The following ZFAND3 variants were observed in gnomAD, a reference collection of about 807,000 sequenced individuals.
ZFAND3 encodes the protein zinc finger AN1-type containing 3.
ZFAND3 carries 10 observed loss-of-function variants against 29.6 expected under a neutral mutation model. The observed-to-expected ratio is 0.34, with a 90% CI of 0.21 to 0.57. The LOEUF (loss-of-function observed/expected upper bound fraction) is 0.57, where lower values mean the gene tolerates loss of function less well. ZFAND3 is among the 20% of genes least tolerant of loss of function. The pLI, the probability that ZFAND3 is intolerant of heterozygous loss-of-function variation, is 0.86. For synonymous variants in ZFAND3, 128 were observed against 112.6 expected (o/e 1.14, Z -0.87); for missense variants, 230 against 304.5 (o/e 0.76, Z 1.82).
At chr6:37,848,406 T>C (rs981666150) in intron 1 of ZFAND3, among the ~76,000 whole-genome samples, 1 of 152,256 alleles carries the variant, frequency 6.6e-6, no homozygotes, top group Non-Finnish European at 1.5e-5. Flanking sequence ...AATCACCTGC[T>C]GTCAACACCA....
chr6:37,843,079 G>A (rs1466458716), intron 1 of ZFAND3, among the ~76,000 whole-genome samples: 1 of 148,750 alleles, frequency 6.7e-6, no homozygotes, highest in East Asian at 2.0e-4. Context: ...CTGAGATTGT[G>A]CCACTGCACT....
chr6:37,831,837 TG>T (rs1444071953), intron 1 of ZFAND3, among the ~76,000 whole-genome samples: 1 of 152,146 alleles, frequency 6.6e-6, no homozygotes, highest in Non-Finnish European at 1.5e-5. Context: ...CCTGGGGAGA[TG>T]AGCAGGGGCC....
intron 4 of ZFAND3, among the ~76,000 whole-genome samples, chr6:38,115,302 A>C (rs1765394580): frequency 6.6e-6 from 1 of 152,232 alleles, no homozygotes; most frequent in Non-Finnish European, 1.5e-5. Context: ...AGGCTAGTGT[A>C]GAGATAAGCA....
chr6:37,960,406 A>G (rs1015426149), intron 2 of ZFAND3, among the ~76,000 whole-genome samples: 1 of 152,228 alleles, frequency 6.6e-6, no homozygotes, highest in African/African-American at 2.4e-5. Context: ...GTGGGCAGCA[A>G]ACATTCATAT....
chr6:38,119,719 A>T (rs750093913), intron 5 of ZFAND3, among the ~76,000 whole-genome samples: 4 of 152,238 alleles, frequency 2.6e-5, no homozygotes, highest in Non-Finnish European at 5.9e-5. Context: ...TGTCGTCCAA[A>T]CACTGCCAGT....
chr6:37,956,375 C>A (rs1290215090), intron 2 of ZFAND3, among the ~76,000 whole-genome samples: 16 of 152,020 alleles, frequency 1.1e-4, no homozygotes, highest in Admixed American at 1.0e-3. Context: ...ACTTTGAGAA[C>A]CAGTGGCTTA....
intron 2 of ZFAND3, among the ~76,000 whole-genome samples, chr6:37,989,986 G>C (rs939292098): frequency 6.6e-6 from 1 of 152,158 alleles, no homozygotes; most frequent in African/African-American, 2.4e-5. Flanking sequence ...GACGAGCCTT[G>C]TCTCATGCTT....
At chr6:37,978,366 T>G (rs1380325965) in intron 2 of ZFAND3, among the ~76,000 whole-genome samples, 4 of 152,210 alleles carry the variant, frequency 2.6e-5, no homozygotes, top group Non-Finnish European at 5.9e-5. Flanking sequence ...CATCTACATT[T>G]CATCATGGAT....
chr6:37,837,524 G>A (rs1390580704), intron 1 of ZFAND3, among the ~76,000 whole-genome samples: 2 of 144,358 alleles, frequency 1.4e-5, no homozygotes, highest in African/African-American at 5.3e-5. Flanking sequence ...TTTTTTTTGA[G>A]ATAGAATTTT....
intron 2 of ZFAND3, among the ~76,000 whole-genome samples, chr6:38,013,425 A>G (rs1460476079): frequency 6.6e-6 from 1 of 152,186 alleles, no homozygotes; most frequent in Non-Finnish European, 1.5e-5. Context: ...TCATGTTGAC[A>G]TATGTTTGAT....
At chr6:37,941,076 C>A (rs1020840935) in intron 2 of ZFAND3, among the ~76,000 whole-genome samples, 2 of 152,162 alleles carry the variant, frequency 1.3e-5, no homozygotes, top group African/African-American at 4.8e-5. Context: ...TTGATTCTTA[C>A]AATGTTGGTG....
At chr6:38,143,954 T>A (rs1241078586) in intron 5 of ZFAND3, among the ~76,000 whole-genome samples, 1 of 152,008 alleles carries the variant, frequency 6.6e-6, no homozygotes, top group East Asian at 1.9e-4. Context: ...GATCCTTTAA[T>A]ATAATACATT....
At chr6:38,116,784 A>G in intron 5 of ZFAND3, 45 bp downstream of exon 5, 3 of 1,575,622 alleles carry the variant, frequency 1.9e-6, no homozygotes, top group Non-Finnish European at 2.6e-6. Flanking sequence ...TATCCTTAAC[A>G]CCTTGGCCCA....
chr6:37,985,527 A>ACACACCCCCCCC (rs753070737), intron 2 of ZFAND3, among the ~76,000 whole-genome samples: 1 of 141,654 alleles, frequency 7.1e-6, no homozygotes, highest in Non-Finnish European at 1.6e-5. Flanking sequence ...ACACACACAC[A>ACACACCCCCCCC]CCCCCACACA....
At chr6:38,046,955 G>T (rs1010749859) in intron 2 of ZFAND3, among the ~76,000 whole-genome samples, 1 of 151,946 alleles carries the variant, frequency 6.6e-6, no homozygotes, top group Admixed American at 6.6e-5. Flanking sequence ...CTAGTAATCA[G>T]CAGCTGGGAA....
chr6:38,025,240 CTTA>C (rs1311828374), intron 2 of ZFAND3, among the ~76,000 whole-genome samples: 1 of 152,194 alleles, frequency 6.6e-6, no homozygotes, highest in Non-Finnish European at 1.5e-5. Flanking sequence ...GTCACATACT[CTTA>C]TTAAGGGACA....
intron 2 of ZFAND3, among the ~76,000 whole-genome samples, chr6:37,981,465 C>T (rs1247736407): frequency 6.6e-6 from 1 of 152,114 alleles, no homozygotes; most frequent in South Asian, 2.1e-4. Context: ...ATGTCTGTGA[C>T]CACTGTAGTG....
At chr6:37,903,248 ATATT>A (rs1274177822) in intron 1 of ZFAND3, among the ~76,000 whole-genome samples, 3 of 152,178 alleles carry the variant, frequency 2.0e-5, no homozygotes, top group Admixed American at 6.5e-5. Flanking sequence ...TAAGGTGTAA[ATATT>A]TAAGCTTTCT....
chr6:38,050,500 C>T (rs996463470), intron 2 of ZFAND3, among the ~76,000 whole-genome samples: 4 of 152,140 alleles, frequency 2.6e-5, no homozygotes, highest in East Asian at 1.9e-4. Flanking sequence ...ATGCCGTTCT[C>T]GTGAAAGTGA....
Sources: gnomAD v4.1 joint callset for allele counts (sites outside exome capture counted in the v4.1 genomes callset) on GRCh38, gnomAD v4.1.1 for gene constraint, MANE v1.5 for transcripts, NCBI Gene and HGNC (gene_info 2026-07-23, HGNC 2026-07-21) for gene names.